Variants in OAF observed in about 807,000 individuals in gnomAD.
The protein encoded by OAF is out at first protein homolog.
OAF carries 13 observed loss-of-function variants against 22.5 expected under a neutral mutation model. That is an observed-to-expected ratio of 0.58 (90% CI 0.38 to 0.92). The LOEUF is 0.92. OAF is among the 40% of genes least tolerant of loss of function. OAF has a pLI of 0.00. For missense variants in OAF, 347 were observed against 381.8 expected (o/e 0.91, Z 0.76); for synonymous variants, 175 against 170.5 (o/e 1.03, Z -0.21).
At chr11:120,228,348 G>C (rs1369207438) in intron 3 of OAF, among the ~76,000 whole-genome samples, 1 of 152,124 alleles carries the variant, frequency 6.6e-6, no homozygotes, top group Non-Finnish European at 1.5e-5. Flanking sequence ...GACTCCTAAA[G>C]TGGGATTACA....
Position 120,211,634 on chromosome 11 carries a change from G to T in OAF, c.231+124G>T, listed in dbSNP as rs1591356746. The T allele has an allele frequency of 4.2e-5, 24 of 570,634 alleles. No homozygotes were observed. The East Asian group carries it at 8.4e-4, about 20-fold the overall frequency. 35.3% of individuals were successfully genotyped at this position (570,634 alleles called of 1,614,324 possible). A position where few individuals can be genotyped will look rare whatever the true frequency, so the allele number is the denominator to read the frequency against. ...GGAGACGCAGCTGGCCCAAGGTCAC[G>T]CCGGGCTCTTCTCTACACCTCTTTG... On this transcript the variant is annotated intron_variant, in intron 1 of 3. Transcript: ENST00000328965.
chr11:120,224,736 C>T (rs1334933772), intron 1 of OAF, among the ~76,000 whole-genome samples: 1 of 152,222 alleles, frequency 6.6e-6, no homozygotes, highest in Non-Finnish European at 1.5e-5. Context: ...GCCTCCACCA[C>T]AGGAGGGGCC....
intron 3 of OAF, 41 bp downstream of exon 3, chr11:120,227,037 G>A: frequency 6.7e-7 from 1 of 1,486,058 alleles, no homozygotes; most frequent in Non-Finnish European, 9.3e-7. Flanking sequence ...TGGGCGGAGG[G>A]AAGGGGACAG....
chr11:120,220,353 T>C (rs1201196167), intron 1 of OAF, among the ~76,000 whole-genome samples: 1 of 152,104 alleles, frequency 6.6e-6, no homozygotes, highest in Non-Finnish European at 1.5e-5. Context: ...CCTCCTCCCC[T>C]AGTACATTCC....
chr11:120,222,315 T>A (rs1222870124), intron 1 of OAF, among the ~76,000 whole-genome samples: 2 of 152,142 alleles, frequency 1.3e-5, no homozygotes, highest in African/African-American at 4.8e-5. Context: ...CCCAGCACTT[T>A]GGGAGGCCAA....
At chr11:120,225,034 A>G (rs1039805192) in intron 1 of OAF, among the ~76,000 whole-genome samples, 5 of 152,172 alleles carry the variant, frequency 3.3e-5, no homozygotes, top group African/African-American at 1.2e-4. Context: ...CATGGGGGAA[A>G]GGGGAAGTGG....
In OAF at chr11:120,224,380, T is replaced by TC. The variant is rs139249764; in HGVS notation, c.232-1280dup. On this transcript the variant is annotated intron_variant, in intron 1 of 3. Coordinates refer to ENST00000328965, the MANE Select transcript of OAF (RefSeq NM_178507.4). ...TAGCGCTGACCCCATGTGAGAATCT[T>TC]CAGATAACTTACTTAGTCCTCACCA... Among the ~76,000 whole-genome samples the TC allele has an allele frequency of 7.3e-3, 1,112 of 152,324 alleles. 17 individuals are homozygous for TC. The highest frequency in any genetic ancestry group is 0.025 in the African/African-American group (1,031 of 41,568).
At chr11:120,225,577 T>C in intron 1 of OAF, 84 bp from the exon 2 acceptor site, 1 of 1,301,758 alleles carries the variant, frequency 7.7e-7, no homozygotes, top group South Asian at 1.5e-5. Context: ...AGGCATCCTG[T>C]TCAGGGGCCA....
In OAF at chr11:120,211,268, C is replaced by A. The variant is rs1348135537; in HGVS notation, c.-12C>A. ...GGCGCGCCGGGGCCGCGGACGGCAG[C>A]GGCCCCCGGGGATGCGCCTTCCCGG... On this transcript the variant is annotated 5_prime_UTR_variant, in exon 1 of 4. Transcript: ENST00000328965. 3.3e-6 allele frequency: 4 copies of A among 1,200,822 alleles called. No homozygotes were observed. In the East Asian group the frequency reaches 1.0e-4, roughly 31 times the overall value. The allele number at this position is 1,200,822 out of a possible 1,614,324, so 74.4% of individuals were successfully genotyped here.
At chr11:120,226,598 T>C (rs77943857) in intron 2 of OAF, among the ~76,000 whole-genome samples, 3,900 of 152,284 alleles carry the variant, frequency 0.026, 70 homozygotes, top group South Asian at 0.072. Flanking sequence ...AGCACATAGT[T>C]TGGGAAGCAT....
chr11:120,230,242 G>A lies in OAF; in HGVS notation c.*1100G>A, dbSNP rs1029990738. 3 of 152,196 alleles carry A rather than the reference G, an allele frequency of 2.0e-5. No homozygotes were observed. Among genetic ancestry groups the A allele is most frequent in the African/African-American group, 7.2e-5 (3 of 41,446 alleles). The allele number at this position is 152,196 out of a possible 1,614,324, so 9.4% of individuals were successfully genotyped here. The stretch of plus-strand genomic sequence containing the variant: ...GATTGGAACCCCGCTTCAGATCTGG[G>A]CTCGGCTACTTACCTGCTGTGCAGC... On this transcript the variant is annotated 3_prime_UTR_variant, in exon 4 of 4. Coordinates refer to ENST00000328965, the MANE Select transcript of OAF (RefSeq NM_178507.4).
rs142776846 is a variant in OAF at position 120,214,915 on chromosome 11, A to G, written c.231+3405A>G. Among the ~76,000 whole-genome samples the G allele has an allele frequency of 1.2e-4, 18 of 152,350 alleles. No homozygotes were observed. In the East Asian group the frequency reaches 3.1e-3, roughly 26 times the overall value. On this transcript the variant is annotated intron_variant, in intron 1 of 3. Coordinates refer to ENST00000328965, the MANE Select transcript of OAF (RefSeq NM_178507.4). ...CTGACCGAGCCACAGCTCTGAAAGA[A>G]TGCCGCAGCTCAGTGGCTCCCAGCT...
chr11:120,222,782 C>A (rs1452792779), intron 1 of OAF, among the ~76,000 whole-genome samples: 1 of 152,054 alleles, frequency 6.6e-6, no homozygotes, highest in Admixed American at 6.5e-5. Flanking sequence ...TGTGGTGGCC[C>A]ATGCCTGTAG....
rs768020266 is a variant in OAF, at chr11:120,229,467, T to G, written c.*325T>G. The G allele has an allele frequency of 1.6e-5, 5 of 317,078 alleles. No individual in the cohort carries two copies. The highest frequency in any genetic ancestry group is 2.4e-5 in the Non-Finnish European group (4 of 163,398). The allele number at this position is 317,078 out of a possible 1,614,324, so 19.6% of individuals were successfully genotyped here. A position where few individuals can be genotyped will look rare whatever the true frequency, so the allele number is the denominator to read the frequency against. Reference sequence around the variant, plus strand: ...CTGCCAAAACATGATGGCCTCTGGTTGTTCTGTTGAACTCCTTGAACGTTT... The same window carrying G: ...CTGCCAAAACATGATGGCCTCTGGTGGTTCTGTTGAACTCCTTGAACGTTT... On this transcript the variant is annotated 3_prime_UTR_variant, in exon 4 of 4. Transcript: ENST00000328965.
chr11:120,225,006 C>T (rs953359344), intron 1 of OAF, among the ~76,000 whole-genome samples: 1 of 152,160 alleles, frequency 6.6e-6, no homozygotes, highest in Non-Finnish European at 1.5e-5. Context: ...TGGACTGCGG[C>T]AATGCCATTA....
At chr11:120,218,373 T>G (rs117934631) in intron 1 of OAF, among the ~76,000 whole-genome samples, 4,145 of 152,272 alleles carry the variant, frequency 0.027, 74 homozygotes, top group South Asian at 0.075. Context: ...TCGAGAAGCC[T>G]GGGCAGAGCA....
Position 120,211,183 on chromosome 11 carries a change from G to T in OAF, c.-97G>T. On this transcript the variant is annotated 5_prime_UTR_variant, in exon 1 of 4. Transcript: ENST00000328965. ...GCCCCCGGCGGAGCGGCTCCCGGGC[G>T]CCCCGAACTAGCCCCCAACTTTGGG... 1.5e-6 allele frequency: 1 copy of T among 658,588 alleles called. No individual in the cohort carries two copies. The highest frequency in any genetic ancestry group is 7.4e-5 in the South Asian group (1 of 13,536). The allele number at this position is 658,588 out of a possible 1,614,324, so 40.8% of individuals were successfully genotyped here.
chr11:120,211,578 T>C, intron 1 of OAF, 68 bp downstream of exon 1: 1 of 1,143,626 alleles, frequency 8.7e-7, no homozygotes, highest in South Asian at 2.2e-5. Context: ...AGGCGCTCTC[T>C]TGCCTGCAGA....
chr11:120,225,167 C>T (rs994445145), intron 1 of OAF, among the ~76,000 whole-genome samples: 16 of 152,078 alleles, frequency 1.1e-4, no homozygotes, highest in Non-Finnish European at 2.4e-4. Context: ...ACTCAGTGGT[C>T]GGTGGCCAGG....
Sources: gnomAD v4.1 joint callset for allele counts (sites outside exome capture counted in the v4.1 genomes callset) on GRCh38, gnomAD v4.1.1 for gene constraint, MANE v1.5 for transcripts, NCBI Gene and HGNC (gene_info 2026-07-23, HGNC 2026-07-21) for gene names.